Variants in SLC35F2 observed in about 807,000 individuals in gnomAD.
SLC35F2 encodes solute carrier family 35 member F2.
SLC35F2 carries 25 observed loss-of-function variants against 38.1 expected under a neutral mutation model. The ratio of observed to expected loss-of-function variants is 0.66; its 90% CI spans 0.48 to 0.92. The LOEUF (loss-of-function observed/expected upper bound fraction) is 0.92. SLC35F2 is among the 40% of genes least tolerant of loss of function. SLC35F2 has a pLI of 0.00. For synonymous variants in SLC35F2, 173 were observed against 181.7 expected, an observed-to-expected ratio of 0.95 and a Z score of 0.38; for missense variants, 409 against 452.9, an observed-to-expected ratio of 0.90 and a Z score of 0.88.
chr11:107,803,682 T>C (rs989614121), intron 6 of SLC35F2: 1 of 198,594 alleles, frequency 5.0e-6, no homozygotes, highest in Non-Finnish European at 9.0e-6. Flanking sequence ...CACAATATAA[T>C]TATCCTTTTT....
In SLC35F2 at chr11:107,792,413, A is replaced by G. The variant is rs1179863201; in HGVS notation, c.*202T>C. On this transcript the variant is annotated 3_prime_UTR_variant, in exon 8 of 8. Coordinates refer to ENST00000525815, the MANE Select transcript of SLC35F2 (RefSeq NM_017515.5). ...GATATTGGTCCTCAAACACAGAAAC[A>G]CACTCTTAGCTTGGTTTCTGCTCTA... 10 of 566,196 alleles carry G rather than the reference A, an allele frequency of 1.8e-5. No individual in the cohort carries two copies. Among genetic ancestry groups the G allele is most frequent in the Non-Finnish European group, 3.0e-5 (10 of 336,282 alleles). 35.1% of individuals were successfully genotyped at this position (566,196 alleles called of 1,614,324 possible).
At chr11:107,833,284 G>C (rs1859878795) in intron 1 of SLC35F2, among the ~76,000 whole-genome samples, 1 of 152,124 alleles carries the variant, frequency 6.6e-6, no homozygotes, top group Non-Finnish European at 1.5e-5. Context: ...CACTTTGGGA[G>C]GCTGAGGTGG....
intron 1 of SLC35F2, among the ~76,000 whole-genome samples, chr11:107,854,707 T>C (rs991537372): frequency 6.6e-6 from 1 of 152,176 alleles, no homozygotes; most frequent in Non-Finnish European, 1.5e-5. Context: ...GCAGGTATAT[T>C]AAGAGCTGGG....
intron 7 of SLC35F2, among the ~76,000 whole-genome samples, chr11:107,793,205 G>A (rs2134753182): frequency 6.6e-6 from 1 of 152,310 alleles, no homozygotes; most frequent in Non-Finnish European, 1.5e-5. Flanking sequence ...GGCGTGGGCC[G>A]CCATGCCTGG....
intron 5 of SLC35F2, 72 bp from the exon 6 acceptor site, chr11:107,804,842 C>A (rs1169323495): frequency 2.3e-6 from 3 of 1,279,566 alleles, no homozygotes; most frequent in Non-Finnish European, 2.2e-6. Flanking sequence ...ATTTTAGTCA[C>A]TATACTTCAG....
chr11:107,824,595 TC>T (rs1282317909), intron 1 of SLC35F2, among the ~76,000 whole-genome samples: 1 of 152,212 alleles, frequency 6.6e-6, no homozygotes, highest in Non-Finnish European at 1.5e-5. Context: ...GCAGAAAGAA[TC>T]CTAGTCTTTG....
At chr11:107,828,537 T>C (rs1859789728) in intron 1 of SLC35F2, among the ~76,000 whole-genome samples, 1 of 152,060 alleles carries the variant, frequency 6.6e-6, no homozygotes, top group Non-Finnish European at 1.5e-5. Context: ...GACTAGTGAA[T>C]AAAAGAAATG....
intron 1 of SLC35F2, among the ~76,000 whole-genome samples, chr11:107,856,057 A>G (rs1305962325): frequency 6.8e-6 from 1 of 147,338 alleles, no homozygotes; most frequent in Non-Finnish European, 1.5e-5. Flanking sequence ...GTGAGCCATG[A>G]TCGTGCCGCT....
At chr11:107,848,184 C>T (rs1860126818) in intron 1 of SLC35F2, among the ~76,000 whole-genome samples, 1 of 151,792 alleles carries the variant, frequency 6.6e-6, no homozygotes, top group Non-Finnish European at 1.5e-5. Flanking sequence ...ATAAAAATGG[C>T]TAAAATGGTA....
At chr11:107,817,293 A>G (rs1175279715) in intron 1 of SLC35F2, among the ~76,000 whole-genome samples, 1 of 151,700 alleles carries the variant, frequency 6.6e-6, no homozygotes, top group African/African-American at 2.4e-5. Context: ...GGAAAGAAAG[A>G]AAAGAAAAAA....
At chr11:107,852,162 A>G (rs750041965) in intron 1 of SLC35F2, among the ~76,000 whole-genome samples, 10 of 152,198 alleles carry the variant, frequency 6.6e-5, no homozygotes, top group Non-Finnish European at 1.2e-4. Flanking sequence ...TCAGGCCTGT[A>G]ATCCCAGCAC....
chr11:107,812,060 C>T (rs1859491153), intron 2 of SLC35F2, among the ~76,000 whole-genome samples: 1 of 151,952 alleles, frequency 6.6e-6, no homozygotes, highest in African/African-American at 2.4e-5. Context: ...CGCCACCATA[C>T]CCACCTAATT....
intron 7 of SLC35F2, among the ~76,000 whole-genome samples, chr11:107,800,771 G>C (rs939650088): frequency 1.3e-5 from 2 of 152,018 alleles, no homozygotes; most frequent in Non-Finnish European, 2.9e-5. Context: ...TTTTTTGTAG[G>C]GATGGGGTTT....
chr11:107,811,302 C>G (rs1169726640), intron 3 of SLC35F2: 1 of 954,726 alleles, frequency 1.0e-6, no homozygotes, highest in Non-Finnish European at 1.2e-6. Context: ...ATCTACTATG[C>G]TTGCAAAGCT....
At chr11:107,805,704 G>T (rs1859380399) in intron 4 of SLC35F2, 189 bp from the exon 5 acceptor site, 2 of 978,790 alleles carry the variant, frequency 2.0e-6, no homozygotes, top group Non-Finnish European at 1.2e-6. Context: ...GTTTGAGACA[G>T]TCTTGCTCTG....
chr11:107,824,226 A>C (rs541921637), intron 1 of SLC35F2, among the ~76,000 whole-genome samples: 1 of 152,330 alleles, frequency 6.6e-6, no homozygotes, highest in African/African-American at 2.4e-5. Context: ...AAAGAAAGGA[A>C]ATCAGTGTTT....
chr11:107,802,558 C>A (rs1859326360), intron 7 of SLC35F2, among the ~76,000 whole-genome samples: 1 of 152,236 alleles, frequency 6.6e-6, no homozygotes, highest in African/African-American at 2.4e-5. Context: ...CCATTCCAAT[C>A]ATGCATGCAT....
chr11:107,801,631 G>GAA (rs34097885), intron 7 of SLC35F2, among the ~76,000 whole-genome samples: 27 of 144,594 alleles, frequency 1.9e-4, no homozygotes, highest in East Asian at 6.1e-4. Flanking sequence ...CTGGATCTAA[G>GAA]AAAAAAAAAA....
At chr11:107,793,418 G>A (rs1859164822) in intron 7 of SLC35F2, among the ~76,000 whole-genome samples, 2 of 152,194 alleles carry the variant, frequency 1.3e-5, no homozygotes, top group South Asian at 2.1e-4. Context: ...CCCACTTAGT[G>A]GAGAAAATAA....
Sources: gnomAD v4.1 joint callset for allele counts (sites outside exome capture counted in the v4.1 genomes callset) on GRCh38, gnomAD v4.1.1 for gene constraint, MANE v1.5 for transcripts, NCBI Gene and HGNC (gene_info 2026-07-23, HGNC 2026-07-21) for gene names.